The following FHOD3 variants were observed in gnomAD, a reference collection of about 807,000 sequenced individuals.
FHOD3 encodes formin homology 2 domain containing 3.
Under a neutral mutation model 173.0 loss-of-function variants are expected in FHOD3, and 90 were observed. The ratio of observed to expected loss-of-function variants is 0.52; its 90% CI spans 0.44 to 0.62. FHOD3 has a LOEUF of 0.62. Among genes scored for constraint, FHOD3 ranks in the 20% least tolerant of loss-of-function variants. The probability of loss-of-function intolerance (pLI) is 0.00; values close to 1 mark genes in which losing one functional copy is unlikely to be tolerated. For synonymous variants in FHOD3, 828 were observed against 823.0 expected (o/e 1.01, Z -0.10); for missense variants, 1,945 against 2,034.7 (o/e 0.96, Z 0.85).
intron 3 of FHOD3, among the ~76,000 whole-genome samples, chr18:36,385,603 A>C (rs960877032): frequency 2.1e-4 from 32 of 152,062 alleles, no homozygotes; most frequent in African/African-American, 7.7e-4. Context: ...CACCATATTG[A>C]CCAGGCTAGA....
At chr18:36,466,320 A>G (rs2052933736) in intron 3 of FHOD3, among the ~76,000 whole-genome samples, 1 of 152,168 alleles carries the variant, frequency 6.6e-6, no homozygotes, top group African/African-American at 2.4e-5. Context: ...AGGTATCTAT[A>G]CTGAGGTTTG....
At chr18:36,450,628 A>G (rs1393918578) in intron 3 of FHOD3, among the ~76,000 whole-genome samples, 1 of 151,746 alleles carries the variant, frequency 6.6e-6, no homozygotes, top group African/African-American at 2.4e-5. Context: ...CGTGTCTCTA[A>G]GTAAAATAAA....
intron 20 of FHOD3, among the ~76,000 whole-genome samples, chr18:36,737,059 G>T (rs551651472): frequency 3.9e-5 from 6 of 152,256 alleles, no homozygotes; most frequent in Admixed American, 1.3e-4. Context: ...CTCATAGGAG[G>T]GGCTCATAGG....
At chr18:36,322,134 T>G (rs2144976147) in intron 1 of FHOD3, among the ~76,000 whole-genome samples, 1 of 152,012 alleles carries the variant, frequency 6.6e-6, no homozygotes, top group East Asian at 1.9e-4. Context: ...GTTGGAAGGG[T>G]GGCGTCTTCT....
intron 3 of FHOD3, among the ~76,000 whole-genome samples, chr18:36,498,809 AT>A (rs2054873436): frequency 6.6e-6 from 1 of 152,204 alleles, no homozygotes; most frequent in Non-Finnish European, 1.5e-5. Flanking sequence ...TTTCAACAAA[AT>A]ATTAGCAGTC....
chr18:36,690,330 T>C lies in FHOD3; in HGVS notation c.2022-2879T>C, dbSNP rs73949859. Among the ~76,000 whole-genome samples the C allele has an allele frequency of 2.6e-3, 389 of 152,246 alleles. 3 individuals are homozygous for C. The highest frequency in any genetic ancestry group is 8.8e-3 in the African/African-American group (364 of 41,538). On this transcript the variant is annotated intron_variant, in intron 16 of 28. Coordinates refer to ENST00000590592, the MANE Select transcript of FHOD3 (RefSeq NM_001281740.3). ...AAGGCAGCAAAAGTAGGAAGTCTTT[T>C]CTTGGGGCTGTGGTTTGTGGATAGA... is the stretch of plus-strand genomic sequence containing the variant.
At chr18:36,533,383 T>C (rs2056866563) in intron 5 of FHOD3, among the ~76,000 whole-genome samples, 1 of 152,242 alleles carries the variant, frequency 6.6e-6, no homozygotes, top group African/African-American at 2.4e-5. Flanking sequence ...AAGGTTGTGC[T>C]GGCCAGGTCC....
In FHOD3 at chr18:36,769,353, G is replaced by A. The variant is rs772461406; in HGVS notation, c.4713G>A (p.Lys1571=). The stretch of plus-strand genomic sequence containing the variant: ...ATGAGATCATGGACCGCATCGTCAA[G>A]TCAGCCACCCAAGTGCCCAGTCAGC... ...AADEIMDRIV[K]SATQVPSQRV... is the part of the protein sequence containing the mutation. The change falls in exon 28 of 29, where the codon AAG becomes AAA. Residue 1571 remains lysine (K), a synonymous_variant. Coordinates refer to ENST00000590592, the MANE Select transcript of FHOD3 (RefSeq NM_001281740.3). 16 of 1,614,176 alleles carry A rather than the reference G, an allele frequency of 9.9e-6. No homozygotes were observed. The Admixed American group carries it at 2.7e-4, about 27-fold the overall frequency.
In FHOD3 at chr18:36,709,291, G is replaced by A. The variant is rs542263700; in HGVS notation, c.2433G>A (p.Val811=). The A allele has an allele frequency of 3.1e-6, 5 of 1,614,250 alleles. No individual in the cohort carries two copies. The African/African-American group carries it at 5.3e-5, about 17-fold the overall frequency. The change falls in exon 18 of 29, where the codon GTG becomes GTA. Residue 811 remains valine (V), a synonymous_variant. Coordinates refer to ENST00000590592, the MANE Select transcript of FHOD3 (RefSeq NM_001281740.3). ...AAAAAGAGAGGCAGAACGAGGGGGT[G>A]AACGAGAGGGACAACTGCTCTGCCT... The part of the protein sequence containing the change: ...LSEKERQNEG[V]NERDNCSASS...
chr18:36,330,549 C>G (rs1002860764), intron 1 of FHOD3, among the ~76,000 whole-genome samples: 2 of 151,866 alleles, frequency 1.3e-5, no homozygotes, highest in African/African-American at 4.9e-5. Context: ...ATGGGTAGCT[C>G]CTTGCTGCAG....
chr18:36,708,784 G>A (rs541977164), intron 17 of FHOD3, among the ~76,000 whole-genome samples: 4 of 152,258 alleles, frequency 2.6e-5, no homozygotes, highest in East Asian at 1.9e-4. Flanking sequence ...CTCCTGCTTC[G>A]AATCTCTGAC....
At chr18:36,534,250 G>A (rs2056901401) in intron 5 of FHOD3, among the ~76,000 whole-genome samples, 1 of 152,202 alleles carries the variant, frequency 6.6e-6, no homozygotes, top group Admixed American at 6.5e-5. Flanking sequence ...CCACAGCTAA[G>A]TCAGGGGTGT....
chr18:36,457,426 A>G (rs2052282690), intron 3 of FHOD3, among the ~76,000 whole-genome samples: 1 of 152,158 alleles, frequency 6.6e-6, no homozygotes, highest in Admixed American at 6.5e-5. Flanking sequence ...CAGATATGGT[A>G]CCAAGCTCTG....
intron 24 of FHOD3, among the ~76,000 whole-genome samples, chr18:36,748,364 G>GCACACACACACACACACAACACACACA (rs2042243032): frequency 1.4e-5 from 2 of 140,724 alleles, no homozygotes; most frequent in Non-Finnish European, 3.1e-5. Flanking sequence ...ACACGCACGC[G>GCACACACACACACACACAACACACACA]CACACACACA....
intron 1 of FHOD3, among the ~76,000 whole-genome samples, chr18:36,302,576 A>C (rs2091983182): frequency 6.6e-6 from 1 of 152,234 alleles, no homozygotes; most frequent in South Asian, 2.1e-4. Flanking sequence ...CTGGCTGTTC[A>C]GTTCTCTGGT....
intron 14 of FHOD3, among the ~76,000 whole-genome samples, chr18:36,677,969 A>G (rs1189251677): frequency 6.6e-6 from 1 of 152,214 alleles, no homozygotes; most frequent in Non-Finnish European, 1.5e-5. Flanking sequence ...TTAACTTGGT[A>G]AATTGTTGCT....
chr18:36,760,614 AAGTTCTCCGGC>A lies in FHOD3; in HGVS notation c.4468_4478del (p.Ser1490AlafsTer16). 1 of 1,575,162 alleles carries A rather than the reference AAGTTCTCCGGC, an allele frequency of 6.3e-7. No homozygotes were observed. ...CTTCCCCTTGGTTTTGCAGTCTGGCAAGTTCTCCGGCAGTTCTCCGGCGCCCCCAAGCCAGC... is the reference window on the plus strand; with the variant it reads ...CTTCCCCTTGGTTTTGCAGTCTGGCAAGTTCTCCGGCGCCCCCAAGCCAGC... On this transcript the variant is annotated frameshift_variant, in exon 27 of 29. Transcript: ENST00000590592. LOFTEE classifies it high-confidence loss of function.
chr18:36,628,681 A>G (rs1599945952), intron 10 of FHOD3, among the ~76,000 whole-genome samples: 1 of 152,192 alleles, frequency 6.6e-6, no homozygotes, highest in South Asian at 2.1e-4. Context: ...TCATCTTTGC[A>G]CTTAAAGTTT....
intron 1 of FHOD3, among the ~76,000 whole-genome samples, chr18:36,321,658 C>T (rs1480914135): frequency 6.6e-6 from 1 of 152,168 alleles, no homozygotes; most frequent in African/African-American, 2.4e-5. Context: ...GAGGGAGTGG[C>T]AGACACTCCT....
Sources: gnomAD v4.1 joint callset for allele counts (sites outside exome capture counted in the v4.1 genomes callset) on GRCh38, gnomAD v4.1.1 for gene constraint, MANE v1.5 for transcripts, NCBI Gene and HGNC (gene_info 2026-07-23, HGNC 2026-07-21) for gene names.